The following LMCD1 variants were observed in gnomAD, a reference collection of about 807,000 sequenced individuals.
LMCD1 encodes the protein LIM and cysteine rich domains 1.
In LMCD1, 32 loss-of-function variants were observed where a neutral mutation model predicts 42.7. The ratio of observed to expected loss-of-function variants is 0.75; its 90% CI spans 0.57 to 1.01. LMCD1 has a LOEUF of 1.01. LMCD1 is among the 50% of genes least tolerant of loss of function. The pLI is 0.00. For missense variants in LMCD1, 458 were observed against 483.1 expected, an observed-to-expected ratio of 0.95 and a Z score of 0.49; for synonymous variants, 178 against 184.9, an observed-to-expected ratio of 0.96 and a Z score of 0.30.
At chr3:8,522,439 G>A (rs61363182) in intron 1 of LMCD1, among the ~76,000 whole-genome samples, 5,634 of 152,212 alleles carry the variant, frequency 0.037, 173 homozygotes, top group African/African-American at 0.079. Context: ...CTGCCCCAGG[G>A]GTGTGTTCCT....
intron 4 of LMCD1, among the ~76,000 whole-genome samples, chr3:8,564,229 T>G (rs1695090291): frequency 6.6e-6 from 1 of 152,178 alleles, no homozygotes; most frequent in South Asian, 2.1e-4. Flanking sequence ...TGTGCTGTTT[T>G]TGCAATTTTT....
At chr3:8,535,497 C>T (rs557021810) in intron 2 of LMCD1, among the ~76,000 whole-genome samples, 39 of 152,280 alleles carry the variant, frequency 2.6e-4, no homozygotes, top group Non-Finnish European at 4.7e-4. Context: ...TTCAAAATGT[C>T]ATGCTGCACA....
rs1485804302 is a variant in LMCD1, at chr3:8,571,609, A to G, written c.*4011A>G. 6.6e-6 allele frequency: 1 copy of G among 152,258 alleles called. No individual in the cohort carries two copies. Among genetic ancestry groups the G allele is most frequent in the African/African-American group, 2.4e-5 (1 of 41,466 alleles). The allele number at this position is 152,258 out of a possible 1,614,324, so 9.4% of individuals were successfully genotyped here. ...GGAGAGAAACGACTGGACTGAGAGA[A>G]GAGCCCACTCCCCTTTATGTAAATT... On this transcript the variant is annotated 3_prime_UTR_variant, in exon 6 of 6. Transcript: ENST00000157600.
At chr3:8,530,662 G>T (rs1404791601) in intron 1 of LMCD1, among the ~76,000 whole-genome samples, 2 of 152,172 alleles carry the variant, frequency 1.3e-5, no homozygotes, top group African/African-American at 4.8e-5. Context: ...TTCACAAGTT[G>T]TATATCTCCC....
chr3:8,521,295 CTAG>C (rs1686315428), intron 1 of LMCD1, among the ~76,000 whole-genome samples: 1 of 152,180 alleles, frequency 6.6e-6, no homozygotes, highest in Admixed American at 6.5e-5. Context: ...TGCCAGATTC[CTAG>C]ATGTTCCATG....
At chr3:8,552,826 C>A (rs1694865318) in intron 4 of LMCD1, among the ~76,000 whole-genome samples, 1 of 152,142 alleles carries the variant, frequency 6.6e-6, no homozygotes, top group African/African-American at 2.4e-5. Context: ...GAGGTTCACG[C>A]CATTCTCCTG....
At chr3:8,504,969 T>G (rs1253737982) in intron 1 of LMCD1, among the ~76,000 whole-genome samples, 1 of 152,224 alleles carries the variant, frequency 6.6e-6, no homozygotes, top group Non-Finnish European at 1.5e-5. Flanking sequence ...GCAAGCTAAT[T>G]AACTTTGAGT....
At chr3:8,538,055 C>T (rs1033001528) in intron 3 of LMCD1, among the ~76,000 whole-genome samples, 10 of 152,160 alleles carry the variant, frequency 6.6e-5, no homozygotes, top group African/African-American at 1.9e-4. Flanking sequence ...CTGGAATCCC[C>T]GGGACCTGCA....
At chr3:8,559,800 A>G (rs1220379170) in intron 4 of LMCD1, among the ~76,000 whole-genome samples, 1 of 152,198 alleles carries the variant, frequency 6.6e-6, no homozygotes. Context: ...AGGCAAGAAG[A>G]GCACATTTCA....
chr3:8,517,234 C>T (rs548358464), intron 1 of LMCD1, among the ~76,000 whole-genome samples: 1 of 152,306 alleles, frequency 6.6e-6, no homozygotes, highest in Non-Finnish European at 1.5e-5. Flanking sequence ...CACCTGACCT[C>T]ATGTACATAC....
chr3:8,524,152 A>C (rs1694253380), intron 1 of LMCD1, among the ~76,000 whole-genome samples: 1 of 151,602 alleles, frequency 6.6e-6, no homozygotes, highest in Non-Finnish European at 1.5e-5. Flanking sequence ...GAAAGTGAAA[A>C]AAGCCTTCCT....
At chr3:8,540,047 A>C (rs1345036902) in intron 3 of LMCD1, among the ~76,000 whole-genome samples, 1 of 151,168 alleles carries the variant, frequency 6.6e-6, no homozygotes, top group African/African-American at 2.4e-5. Flanking sequence ...TGTTCAATGC[A>C]GCCATAAAAA....
chr3:8,502,384 ATATT>A (rs1693771421), intron 1 of LMCD1, among the ~76,000 whole-genome samples: 1 of 98,822 alleles, frequency 1.0e-5, no homozygotes, highest in Admixed American at 1.7e-4. Flanking sequence ...TATATAATAT[ATATT>A]ATATATAAAA....
chr3:8,502,569 T>TACACAC (rs5846600), intron 1 of LMCD1, among the ~76,000 whole-genome samples: 11 of 134,354 alleles, frequency 8.2e-5, no homozygotes, highest in East Asian at 7.1e-4. Flanking sequence ...TTTCCCCCAA[T>TACACAC]ACACACACAC....
intron 2 of LMCD1, among the ~76,000 whole-genome samples, chr3:8,536,388 G>T (rs913894954): frequency 6.6e-6 from 1 of 152,120 alleles, no homozygotes; most frequent in African/African-American, 2.4e-5. Context: ...GTTTTTAATT[G>T]TCAAAGAGAA....
chr3:8,554,705 G>A (rs1485513866), intron 4 of LMCD1, among the ~76,000 whole-genome samples: 1 of 152,158 alleles, frequency 6.6e-6, no homozygotes, highest in Non-Finnish European at 1.5e-5. Flanking sequence ...GAGCTGGGTG[G>A]GCAATGATCT....
chr3:8,564,058 GA>G (rs1255841072), intron 4 of LMCD1, among the ~76,000 whole-genome samples: 2 of 152,268 alleles, frequency 1.3e-5, no homozygotes, highest in African/African-American at 4.8e-5. Flanking sequence ...TCCTGGAATA[GA>G]AAAAGGACAT....
At chr3:8,514,911 A>G (rs911665476) in intron 1 of LMCD1, 2 of 456,110 alleles carry the variant, frequency 4.4e-6, no homozygotes, top group Non-Finnish European at 8.8e-6. Flanking sequence ...AAAATATTCT[A>G]CGTGTTTATC....
chr3:8,565,996 T>C (rs1332480861), intron 5 of LMCD1, among the ~76,000 whole-genome samples: 1 of 152,202 alleles, frequency 6.6e-6, no homozygotes, highest in African/African-American at 2.4e-5. Context: ...GTTACCTAAC[T>C]CCGGAGCCTC....
Sources: gnomAD v4.1 joint callset for allele counts (sites outside exome capture counted in the v4.1 genomes callset) on GRCh38, gnomAD v4.1.1 for gene constraint, MANE v1.5 for transcripts, NCBI Gene and HGNC (gene_info 2026-07-23, HGNC 2026-07-21) for gene names.